ITGA1: variants seen among roughly 807,000 people sequenced by gnomAD.
The protein encoded by ITGA1 is integrin alpha-1.
A neutral mutation model predicts 145.9 loss-of-function variants in ITGA1; 85 were observed. That is an observed-to-expected ratio of 0.58 (90% CI 0.49 to 0.70). ITGA1 has a LOEUF of 0.70. Ranked by LOEUF, ITGA1 falls within the 30% of genes least tolerant of loss-of-function variation. The pLI is 0.00. For missense variants in ITGA1, 1,351 were observed against 1,418.7 expected (o/e 0.95, Z 0.77); for synonymous variants, 520 against 495.3 (o/e 1.05, Z -0.66).
chr5:52,888,436 C>A (rs4865540), intron 8 of ITGA1, among the ~76,000 whole-genome samples: 26,881 of 152,134 alleles, frequency 0.18, 2,401 homozygotes, highest in Admixed American at 0.23. Context: ...ATTTTCGACT[C>A]TCTTTTTCAT....
chr5:52,880,533 T>A (rs993194777), intron 6 of ITGA1, among the ~76,000 whole-genome samples: 4 of 152,198 alleles, frequency 2.6e-5, no homozygotes, highest in Non-Finnish European at 4.4e-5. Context: ...GACATGAAAT[T>A]AAGACTAAAG....
intron 1 of ITGA1, among the ~76,000 whole-genome samples, chr5:52,818,132 A>C (rs1465080141): frequency 1.3e-5 from 2 of 152,208 alleles, no homozygotes; most frequent in Non-Finnish European, 2.9e-5. Flanking sequence ...TAAGATAACT[A>C]TTCTAGAGGA....
chr5:52,877,158 G>A (rs776900522), intron 6 of ITGA1, among the ~76,000 whole-genome samples: 13 of 152,164 alleles, frequency 8.5e-5, no homozygotes, highest in African/African-American at 1.2e-4. Flanking sequence ...CGAAGTCATT[G>A]ATACAGGCAA....
chr5:52,922,980 A>C, intron 18 of ITGA1, 93 bp downstream of exon 18: 1 of 694,078 alleles, frequency 1.4e-6, no homozygotes, highest in Non-Finnish European at 2.5e-6. Flanking sequence ...TGCATTGATC[A>C]CAAAGAACGA....
intron 1 of ITGA1, among the ~76,000 whole-genome samples, chr5:52,828,491 T>A (rs1043686883): frequency 2.0e-5 from 3 of 152,174 alleles, no homozygotes; most frequent in Non-Finnish European, 4.4e-5. Flanking sequence ...TACTCATTTT[T>A]TAATTGGGTT....
In ITGA1 at chr5:52,911,495, TATA is replaced by T. The variant is rs769631793; in HGVS notation, c.1857+1077_1857+1079del. On this transcript the variant is annotated intron_variant, in intron 14 of 28. Transcript: ENST00000282588. ...ATATAGATACACTATATATAGTATA[TATA>T]GTAGATACACTATATATAGTATATA... Among the ~76,000 whole-genome samples, 668 of 129,938 alleles carry T rather than the reference TATA, an allele frequency of 5.1e-3. 28 individuals carry two copies. Among genetic ancestry groups the T allele is most frequent in the Admixed American group, 0.044 (530 of 11,928 alleles). The allele number at this position is 129,938 out of a possible 152,430, so 85.2% of individuals were successfully genotyped here.
chr5:52,795,022 A>G (rs1748314261), intron 1 of ITGA1, among the ~76,000 whole-genome samples: 1 of 152,038 alleles, frequency 6.6e-6, no homozygotes, highest in Non-Finnish European at 1.5e-5. Flanking sequence ...GCTTATACAA[A>G]CTTACCTTAA....
chr5:52,881,770 A>C, intron 6 of ITGA1, 103 bp from the exon 7 acceptor site: 1 of 1,058,776 alleles, frequency 9.4e-7, no homozygotes, highest in Non-Finnish European at 1.4e-6. Flanking sequence ...TAGGTTTGCA[A>C]ACTCATCTGA....
chr5:52,914,440 C>T (rs374458269), intron 14 of ITGA1, among the ~76,000 whole-genome samples: 1 of 152,018 alleles, frequency 6.6e-6, no homozygotes, highest in Non-Finnish European at 1.5e-5. Flanking sequence ...AGTTCGAGAC[C>T]AGCCTGGCCA....
intron 9 of ITGA1, 92 bp downstream of exon 9, chr5:52,893,932 TAC>T: frequency 1.1e-6 from 1 of 899,870 alleles, no homozygotes; most frequent in Non-Finnish European, 1.7e-6. Flanking sequence ...ACATCAGTAA[TAC>T]TTTTTTTTTT....
At chr5:52,820,084 C>A (rs1191056461) in intron 1 of ITGA1, among the ~76,000 whole-genome samples, 1 of 151,914 alleles carries the variant, frequency 6.6e-6, no homozygotes, top group Non-Finnish European at 1.5e-5. Flanking sequence ...TAGCATGATG[C>A]CTCCAGCTTT....
rs940106346 is a variant in ITGA1 at position 52,865,654 on chromosome 5, G to A, written c.497-36G>A. On this transcript the variant is annotated intron_variant, in intron 5 of 28. Coordinates refer to ENST00000282588, the MANE Select transcript of ITGA1 (RefSeq NM_181501.2). ...ACTTCATATGCCTCTGAAAAAAATA[G>A]ATTCCAAATTTGACAATTGACTCCT... The A allele has an allele frequency of 1.2e-5, 17 of 1,407,862 alleles. No homozygotes were observed. In the Admixed American group the frequency reaches 3.5e-4, roughly 29 times the overall value. The allele number at this position is 1,407,862 out of a possible 1,614,324, so 87.2% of individuals were successfully genotyped here.
At chr5:52,902,662 C>T (rs1209148097) in intron 11 of ITGA1, 1 of 152,108 alleles carries the variant, frequency 6.6e-6, no homozygotes, top group East Asian at 1.9e-4. Flanking sequence ...CAACCTCCAC[C>T]TCCTGGGTTC....
At chr5:52,834,560 G>GAGAGAAGAAAGAA (rs1554042407) in intron 1 of ITGA1, among the ~76,000 whole-genome samples, 5 of 130,690 alleles carry the variant, frequency 3.8e-5, no homozygotes, top group South Asian at 2.4e-4. Context: ...GAAAGAGAGA[G>GAGAGAAGAAAGAA]AGAAAGAGAG....
rs368388107 is a variant in ITGA1, at chr5:52,795,907, G to C, written c.61+7493G>C. On this transcript the variant is annotated intron_variant, in intron 1 of 28. Coordinates refer to ENST00000282588, the MANE Select transcript of ITGA1 (RefSeq NM_181501.2). ...TTTCAAGTTGGTAGAATCCATCCAG[G>C]AAAGACCATATTTGAGGTCTGCCAA... Among the ~76,000 whole-genome samples, 79 of 152,016 alleles carry C rather than the reference G, an allele frequency of 5.2e-4. No individual in the cohort carries two copies. The South Asian group carries it at 0.016, about 31-fold the overall frequency.
rs144947571 is a variant in ITGA1, at chr5:52,838,540, A to G, written c.62-10825A>G. Among the ~76,000 whole-genome samples the G allele has an allele frequency of 4.7e-3, 721 of 152,324 alleles. 6 individuals are homozygous for G. Among genetic ancestry groups the G allele is most frequent in the African/African-American group, 0.017 (704 of 41,576 alleles). ...TATTTAGTCAGTTGAATTCCATCAC[A>G]AAAGAAATGTTATGAATCCGTATAT... On this transcript the variant is annotated intron_variant, in intron 1 of 28. Coordinates refer to ENST00000282588, the MANE Select transcript of ITGA1 (RefSeq NM_181501.2).
At chr5:52,903,686 T>A (rs1367487041) in intron 11 of ITGA1, 1 of 152,218 alleles carries the variant, frequency 6.6e-6, no homozygotes, top group Non-Finnish European at 1.5e-5. Context: ...TGCTATTCTG[T>A]GGCATTTTGA....
intron 2 of ITGA1, among the ~76,000 whole-genome samples, chr5:52,857,560 C>T (rs78066199): frequency 0.02 from 3,084 of 151,942 alleles, 96 homozygotes; most frequent in African/African-American, 0.068. Context: ...AAACATGTAC[C>T]TCTCATTCTT....
At chr5:52,805,063 T>A (rs1407586243) in intron 1 of ITGA1, among the ~76,000 whole-genome samples, 2 of 152,170 alleles carry the variant, frequency 1.3e-5, no homozygotes, top group Non-Finnish European at 2.9e-5. Flanking sequence ...AAGTAACTTG[T>A]ACAAAGTGTG....
Sources: gnomAD v4.1 joint callset for allele counts (sites outside exome capture counted in the v4.1 genomes callset) on GRCh38, gnomAD v4.1.1 for gene constraint, MANE v1.5 for transcripts, NCBI Gene and HGNC (gene_info 2026-07-23, HGNC 2026-07-21) for gene names.